Variants in RAPGEF4 observed in about 807,000 individuals in gnomAD.
RAPGEF4 encodes Rap guanine nucleotide exchange factor 4, also known as RAP guanine-nucleotide-exchange factor (GEF) 4.
Under a neutral mutation model 147.9 loss-of-function variants are expected in RAPGEF4, and 66 were observed. The observed-to-expected ratio is 0.45, with a 90% CI of 0.37 to 0.55. RAPGEF4 has a LOEUF of 0.55. RAPGEF4 is among the 20% of genes least tolerant of loss of function. The probability of loss-of-function intolerance (pLI) is 0.00; values close to 1 mark genes in which losing one functional copy is unlikely to be tolerated. For synonymous variants in RAPGEF4, 419 were observed against 442.7 expected (o/e 0.95, Z 0.67); for missense variants, 1,071 against 1,257.3 (o/e 0.85, Z 2.24).
At chr2:172,847,787 G>T (rs1196989487) in intron 4 of RAPGEF4, among the ~76,000 whole-genome samples, 1 of 152,176 alleles carries the variant, frequency 6.6e-6, no homozygotes, top group Non-Finnish European at 1.5e-5. Flanking sequence ...TTATTTTTAA[G>T]ATTATTTATT....
intron 1 of RAPGEF4, among the ~76,000 whole-genome samples, chr2:172,745,403 G>A (rs954556242): frequency 2.0e-5 from 3 of 151,378 alleles, no homozygotes; most frequent in Admixed American, 1.3e-4. Flanking sequence ...ATGCCATTAG[G>A]ATATGTAGTG....
chr2:172,978,942 T>C (rs551538496), intron 10 of RAPGEF4, among the ~76,000 whole-genome samples: 17 of 152,360 alleles, frequency 1.1e-4, no homozygotes, highest in South Asian at 8.3e-4. Context: ...AGCAAGGTGC[T>C]GCTTGTTGGT....
intron 3 of RAPGEF4, among the ~76,000 whole-genome samples, chr2:172,805,910 G>A (rs781029491): frequency 3.3e-5 from 5 of 151,886 alleles, no homozygotes; most frequent in East Asian, 1.9e-4. Flanking sequence ...TATTTTAATC[G>A]ATTTAGGGTT....
At chr2:173,030,356 C>T (rs1348446376) in intron 26 of RAPGEF4, 102 bp downstream of exon 26, 5 of 923,368 alleles carry the variant, frequency 5.4e-6, no homozygotes, top group Non-Finnish European at 8.6e-6. Context: ...ACTAGTATAA[C>T]AATGGGAAAG....
At chr2:172,803,510 A>G (rs552291088) in intron 3 of RAPGEF4, among the ~76,000 whole-genome samples, 2 of 152,192 alleles carry the variant, frequency 1.3e-5, no homozygotes, top group Non-Finnish European at 2.9e-5. Context: ...GGCTTGGCCC[A>G]TGAAACCATT....
intron 10 of RAPGEF4, among the ~76,000 whole-genome samples, chr2:172,983,000 G>A (rs1559161871): frequency 6.6e-6 from 1 of 152,094 alleles, no homozygotes; most frequent in Non-Finnish European, 1.5e-5. Flanking sequence ...GAGTCCTTCG[G>A]AAAAAATACA....
At position 172,735,931 on chromosome 2, in the gene RAPGEF4, G is replaced by A; in HGVS notation, c.-53G>A. 5 of 1,398,020 alleles carry A rather than the reference G, an allele frequency of 3.6e-6. No homozygotes were observed. Among genetic ancestry groups the A allele is most frequent in the Non-Finnish European group, 2.8e-6 (3 of 1,067,262 alleles). The allele number at this position is 1,398,020 out of a possible 1,614,324, so 86.6% of individuals were successfully genotyped here. A position where few individuals can be genotyped will look rare whatever the true frequency, so the allele number is the denominator to read the frequency against. On this transcript the variant is annotated 5_prime_UTR_variant, in exon 1 of 31. Coordinates refer to ENST00000397081, the MANE Select transcript of RAPGEF4 (RefSeq NM_007023.4). ...CGAGGCGGGGGCGGAGGCGCAGGCAGAGCGAGCGCGGGAGGTCGCCGCAGC... is the reference window on the plus strand; with the variant it reads ...CGAGGCGGGGGCGGAGGCGCAGGCAAAGCGAGCGCGGGAGGTCGCCGCAGC...
chr2:172,768,059 G>A (rs901856022), intron 1 of RAPGEF4, among the ~76,000 whole-genome samples: 3 of 152,018 alleles, frequency 2.0e-5, no homozygotes, highest in African/African-American at 2.4e-5. Flanking sequence ...TGATCTGCCC[G>A]CCTCAGCCTC....
chr2:173,015,315 TTC>T (rs1695407308), intron 18 of RAPGEF4, among the ~76,000 whole-genome samples: 1 of 152,234 alleles, frequency 6.6e-6, no homozygotes, highest in Non-Finnish European at 1.5e-5. Context: ...ACAGCACTGA[TTC>T]TGACATTTAA....
chr2:172,797,594 C>G lies in RAPGEF4; in HGVS notation c.278C>G (p.Ser93Cys). 6.2e-7 allele frequency: 1 copy of G among 1,613,292 alleles called. No individual in the cohort carries two copies. Among genetic ancestry groups the G allele is most frequent in the Non-Finnish European group, 8.5e-7 (1 of 1,179,500 alleles). ...GCAGGGTCTTTGGATGTTAAAGTAT[C>G]TGAGACCAGCAGTCACCAGGTAATA... ...VLAGSLDVKVSETSSHQDAVT... is the reference protein window; with the variant it reads ...VLAGSLDVKVCETSSHQDAVT... The change falls in exon 3 of 31, where the codon TCT (serine) becomes TGT (cysteine). Residue 93 changes from serine to cysteine, a missense_variant. Ser to Cys is a moderately radical substitution (Grantham distance 112). Coordinates refer to ENST00000397081, the MANE Select transcript of RAPGEF4 (RefSeq NM_007023.4).
In RAPGEF4 at chr2:172,988,254, T is replaced by A; in HGVS notation, c.1209T>A (p.Asn403Lys). The A allele has an allele frequency of 1.2e-6, 2 of 1,612,106 alleles. No homozygotes were observed. The highest frequency in any genetic ancestry group is 1.7e-6 in the Non-Finnish European group (2 of 1,179,566). The change falls in exon 13 of 31, where the codon AAT becomes AAA. Residue 403 changes from asparagine (N) to lysine (K), a missense_variant. Physicochemically the swap from Asn to Lys is moderately conservative, Grantham distance 94. Coordinates refer to ENST00000397081, the MANE Select transcript of RAPGEF4 (RefSeq NM_007023.4). ...SWYIILKGSV[N>K]VVIYGKGVVC... ...ACATTATTCTAAAAGGATCAGTGAA[T>A]GTAGTCATTTACGGCAAGGTATATA...
chr2:172,903,084 C>CT (rs1699240157), intron 4 of RAPGEF4, among the ~76,000 whole-genome samples: 1 of 152,026 alleles, frequency 6.6e-6, no homozygotes, highest in Non-Finnish European at 1.5e-5. Flanking sequence ...AGTACAAAGT[C>CT]TCGGCCAGGT....
chr2:173,032,773 T>C (rs1697313219), intron 26 of RAPGEF4, among the ~76,000 whole-genome samples: 1 of 152,192 alleles, frequency 6.6e-6, no homozygotes, highest in Non-Finnish European at 1.5e-5. Context: ...TAAATGGGAA[T>C]ATGACAAACT....
At chr2:172,985,338 G>A in intron 11 of RAPGEF4, 95 bp from the exon 12 acceptor site, 1 of 1,567,568 alleles carries the variant, frequency 6.4e-7, no homozygotes, top group Non-Finnish European at 8.7e-7. Context: ...GGAAGCCCCG[G>A]GACAGTTTGC....
intron 4 of RAPGEF4, among the ~76,000 whole-genome samples, chr2:172,823,557 T>C (rs1689328234): frequency 6.6e-6 from 1 of 152,150 alleles, no homozygotes; most frequent in African/African-American, 2.4e-5. Context: ...GCTTTATGTG[T>C]AGAAAGCCCT....
chr2:172,759,173 A>T (rs953383838), intron 1 of RAPGEF4, among the ~76,000 whole-genome samples: 2 of 152,248 alleles, frequency 1.3e-5, no homozygotes, highest in African/African-American at 4.8e-5. Flanking sequence ...TATGGCTAGT[A>T]GGTCTATTTT....
Position 173,027,129 on chromosome 2 carries a change from A to G in RAPGEF4, c.2428A>G (p.Thr810Ala), listed in dbSNP as rs762975942. ...TFGRHNFKKT[T>A]ANLDLFLRRF... ...TGGAAGGCATAATTTTAAAAAGACCACAGCAAACTTGGATTTGTTCCTGAG... is the reference window on the plus strand; with the variant it reads ...TGGAAGGCATAATTTTAAAAAGACCGCAGCAAACTTGGATTTGTTCCTGAG... Residue 810 changes from threonine to alanine, a missense_variant, in exon 25 of 31, where the codon ACA becomes GCA. Transcript: ENST00000397081. 1.2e-6 allele frequency: 2 copies of G among 1,612,322 alleles called. No homozygotes were observed. The highest frequency in any genetic ancestry group is 2.2e-5 in the South Asian group (2 of 90,416).
At chr2:172,816,407 A>G (rs1348586846) in intron 4 of RAPGEF4, among the ~76,000 whole-genome samples, 1 of 151,626 alleles carries the variant, frequency 6.6e-6, no homozygotes, top group Non-Finnish European at 1.5e-5. Flanking sequence ...CTTTTTTTGC[A>G]CTTCTATCCC....
chr2:172,814,055 G>A (rs1472453157), intron 3 of RAPGEF4, among the ~76,000 whole-genome samples: 1 of 152,292 alleles, frequency 6.6e-6, no homozygotes, highest in East Asian at 1.9e-4. Context: ...TTATCTGAGT[G>A]TCTTGCCTGG....
Sources: allele counts gnomAD v4.1 joint callset (sites outside exome capture counted in the v4.1 genomes callset), GRCh38; gene constraint gnomAD v4.1.1; transcripts MANE v1.5; gene names NCBI Gene and HGNC (gene_info 2026-07-23, HGNC 2026-07-21).